TRABD2B: variants seen among roughly 807,000 people sequenced by gnomAD.
TRABD2B encodes TraB domain containing 2B, also known as metalloprotease TIKI2.
TRABD2B carries 14 observed loss-of-function variants against 40.1 expected under a neutral mutation model. The observed-to-expected ratio is 0.35, with a 90% CI of 0.23 to 0.55. The LOEUF (loss-of-function observed/expected upper bound fraction) is 0.55. Among genes scored for constraint, TRABD2B ranks in the 20% least tolerant of loss-of-function variants. The pLI, the probability that TRABD2B is intolerant of heterozygous loss-of-function variation, is 0.90. For synonymous variants in TRABD2B, 263 were observed against 277.0 expected, an observed-to-expected ratio of 0.95 and a Z score of 0.50; for missense variants, 541 against 648.6, an observed-to-expected ratio of 0.83 and a Z score of 1.80.
At chr1:47,924,533 G>A (rs1156726258) in intron 2 of TRABD2B, among the ~76,000 whole-genome samples, 1 of 152,158 alleles carries the variant, frequency 6.6e-6, no homozygotes, top group Non-Finnish European at 1.5e-5. Context: ...CTATTAGCTG[G>A]AACAGATGCA....
At chr1:47,915,781 G>A (rs1257708055) in intron 2 of TRABD2B, among the ~76,000 whole-genome samples, 4 of 152,192 alleles carry the variant, frequency 2.6e-5, no homozygotes, top group African/African-American at 7.2e-5. Context: ...CTGTCACAGG[G>A]CATGAGGTGG....
intron 2 of TRABD2B, among the ~76,000 whole-genome samples, chr1:47,859,559 C>A (rs1220590022): frequency 6.6e-6 from 1 of 152,196 alleles, no homozygotes; most frequent in Non-Finnish European, 1.5e-5. Context: ...CTGCAGCAGC[C>A]CCTTTCTGGC....
At chr1:47,769,048 G>T (rs1399881516) in intron 6 of TRABD2B, among the ~76,000 whole-genome samples, 1 of 152,168 alleles carries the variant, frequency 6.6e-6, no homozygotes, top group East Asian at 1.9e-4. Flanking sequence ...ACCCGCAGAT[G>T]GAGGCTTGCC....
At chr1:47,989,899 C>T (rs1490782739) in intron 2 of TRABD2B, among the ~76,000 whole-genome samples, 1 of 152,182 alleles carries the variant, frequency 6.6e-6, no homozygotes, top group African/African-American at 2.4e-5. Flanking sequence ...TCTACTTGGC[C>T]TGTCTGTGTA....
At chr1:47,904,814 C>A (rs1482846330) in intron 2 of TRABD2B, among the ~76,000 whole-genome samples, 1 of 152,230 alleles carries the variant, frequency 6.6e-6, no homozygotes, top group Non-Finnish European at 1.5e-5. Flanking sequence ...AAGCATTGCC[C>A]TCCATATATT....
intron 4 of TRABD2B, among the ~76,000 whole-genome samples, chr1:47,782,634 T>C (rs1273191949): frequency 6.6e-6 from 1 of 152,190 alleles, no homozygotes; most frequent in Non-Finnish European, 1.5e-5. Flanking sequence ...TCTCCTCTTC[T>C]TGTAACTCAG....
rs1646064024 is a variant in TRABD2B at position 47,994,634 on chromosome 1, A to G, written c.103-37T>C. ...GAGAAGAGGCAAGGCAGTGAGGCCG[A>G]AGGCAACAGAGTAGAGTCAGGGTAG... is the stretch of plus-strand genomic sequence containing the variant. On this transcript the variant is annotated intron_variant, in intron 1 of 6. Transcript: ENST00000606738. This position sits in a 1 kb window ranked among gnomAD's most constrained non-coding sequence, Gnocchi z 6.7. The G allele has an allele frequency of 6.6e-7, 1 of 1,510,118 alleles. No homozygotes were observed. Among genetic ancestry groups the G allele is most frequent in the Non-Finnish European group, 8.8e-7 (1 of 1,132,370 alleles). 93.5% of individuals were successfully genotyped at this position (1,510,118 alleles called of 1,614,324 possible). A position where few individuals can be genotyped will look rare whatever the true frequency, so the allele number is the denominator to read the frequency against.
chr1:47,857,863 T>C (rs4926656), intron 2 of TRABD2B, among the ~76,000 whole-genome samples: 53,745 of 150,990 alleles, frequency 0.36, 9,741 homozygotes, highest in East Asian at 0.49. Context: ...GTGCCAAGCA[T>C]TTTGTATCTT....
chr1:47,979,721 T>A (rs532959793), intron 2 of TRABD2B, among the ~76,000 whole-genome samples: 1 of 152,316 alleles, frequency 6.6e-6, no homozygotes, highest in Admixed American at 6.5e-5. Context: ...AATGTTATCC[T>A]CCAGCAACGA....
intron 2 of TRABD2B, among the ~76,000 whole-genome samples, chr1:47,919,507 A>G (rs537160246): frequency 3.8e-4 from 58 of 152,376 alleles, no homozygotes; most frequent in African/African-American, 1.3e-3. Flanking sequence ...AGCTGGAAAA[A>G]GCAGCTCCGC....
chr1:47,919,687 C>A (rs1356609641), intron 2 of TRABD2B, among the ~76,000 whole-genome samples: 2 of 152,220 alleles, frequency 1.3e-5, no homozygotes, highest in Non-Finnish European at 1.5e-5. Context: ...GAGGACATCA[C>A]TCAAGGGAAG....
intron 2 of TRABD2B, among the ~76,000 whole-genome samples, chr1:47,875,674 CAAAAA>C (rs10541556): frequency 1.6e-4 from 12 of 75,924 alleles, no homozygotes; most frequent in South Asian, 6.3e-4. Flanking sequence ...AACCCTGTCT[CAAAAA>C]AAAAAAAAAA....
At chr1:47,949,903 A>G (rs1468416262) in intron 2 of TRABD2B, among the ~76,000 whole-genome samples, 1 of 152,238 alleles carries the variant, frequency 6.6e-6, no homozygotes, top group East Asian at 1.9e-4. Flanking sequence ...CCAGGCATGG[A>G]GCCTACATTC....
At chr1:47,995,168 A>G (rs1265398996) in intron 1 of TRABD2B, among the ~76,000 whole-genome samples, 1 of 151,398 alleles carries the variant, frequency 6.6e-6, no homozygotes, top group Non-Finnish European at 1.5e-5. Flanking sequence ...TTGAAAGCAG[A>G]ACACCTATTA....
chr1:47,867,159 T>A (rs995416024), intron 2 of TRABD2B, among the ~76,000 whole-genome samples: 1 of 152,206 alleles, frequency 6.6e-6, no homozygotes, highest in African/African-American at 2.4e-5. Context: ...TGCTTACACA[T>A]GAGAAAACAT....
intron 4 of TRABD2B, among the ~76,000 whole-genome samples, chr1:47,783,842 G>A (rs1644558549): frequency 6.6e-6 from 1 of 152,312 alleles, no homozygotes; most frequent in African/African-American, 2.4e-5. Flanking sequence ...ACATGGGAAG[G>A]CAGGGTAGAG....
In TRABD2B at chr1:47,894,420, T is replaced by C. The variant is rs111400577; in HGVS notation, c.667-92801A>G. 3.3e-5 allele frequency among the ~76,000 whole-genome samples: 5 copies of C among 152,326 alleles called. 1 individual carries two copies. Among genetic ancestry groups the C allele is most frequent in the African/African-American group, 9.6e-5 (4 of 41,570 alleles). On this transcript the variant is annotated intron_variant, in intron 2 of 6. Transcript: ENST00000606738. ...ACTCAGTAAGTTCTTGTTATTCTTA[T>C]AGCAGTGAACACAGAAAAGTCACTA...
Position 47,997,187 on chromosome 1 carries a change from G to A in TRABD2B, c.-398C>T, listed in dbSNP as rs1027640801. On this transcript the variant is annotated 5_prime_UTR_variant, in exon 1 of 7. Transcript: ENST00000606738. ...CCCGGGGTTATGCTGGGCACCCGGG[G>A]CACGCAAGGGTCCCAGGGGTGCGCG... 2 of 983,378 alleles carry A rather than the reference G, an allele frequency of 2.0e-6. No individual in the cohort carries two copies. Among genetic ancestry groups the A allele is most frequent in the Non-Finnish European group, 2.4e-6 (2 of 829,206 alleles). The allele number at this position is 983,378 out of a possible 1,614,324, so 60.9% of individuals were successfully genotyped here.
At chr1:47,956,955 C>T (rs949710284) in intron 2 of TRABD2B, among the ~76,000 whole-genome samples, 4 of 152,342 alleles carry the variant, frequency 2.6e-5, no homozygotes, top group African/African-American at 9.6e-5. Context: ...AGGCACCTCC[C>T]ACTAGGGGCT....
Sources: allele counts gnomAD v4.1 joint callset (sites outside exome capture counted in the v4.1 genomes callset), GRCh38; gene constraint gnomAD v4.1.1; non-coding constraint Gnocchi (gnomAD v3.1); transcripts MANE v1.5; gene names NCBI Gene and HGNC (gene_info 2026-07-23, HGNC 2026-07-21).